GOLM1: variants seen among roughly 807,000 people sequenced by gnomAD.
GOLM1 encodes golgi membrane protein 1, also known as epididymis luminal protein 46.
Under a neutral mutation model 50.5 loss-of-function variants are expected in GOLM1, and 31 were observed. The observed-to-expected ratio is 0.61, with a 90% CI of 0.46 to 0.83. The LOEUF is 0.83. Among genes scored for constraint, GOLM1 ranks in the 40% least tolerant of loss-of-function variants. The pLI is 0.00. For synonymous variants in GOLM1, 178 were observed against 192.8 expected, an observed-to-expected ratio of 0.92 and a Z score of 0.64; for missense variants, 491 against 501.3, an observed-to-expected ratio of 0.98 and a Z score of 0.20.
intron 9 of GOLM1, among the ~76,000 whole-genome samples, chr9:86,030,502 T>C (rs891452390): frequency 1.3e-5 from 2 of 152,204 alleles, no homozygotes; most frequent in African/African-American, 4.8e-5. Flanking sequence ...TAGGGGGACA[T>C]TGTTGAAAAA....
At chr9:86,062,060 G>A (rs1322241095) in intron 3 of GOLM1, among the ~76,000 whole-genome samples, 2 of 152,114 alleles carry the variant, frequency 1.3e-5, no homozygotes, top group African/African-American at 4.8e-5. Flanking sequence ...AAACACGTAG[G>A]ACACACAGAC....
chr9:86,052,711 C>A, intron 3 of GOLM1, 120 bp from the exon 4 acceptor site: 2 of 813,270 alleles, frequency 2.5e-6, no homozygotes, highest in Non-Finnish European at 4.2e-6. Context: ...AGGGAAGGAG[C>A]TCGCACTCAG....
chr9:86,039,838 G>C, intron 6 of GOLM1, among the ~76,000 whole-genome samples: 1 of 151,920 alleles, frequency 6.6e-6, no homozygotes, highest in East Asian at 1.9e-4. Context: ...TGTGGTGGTG[G>C]GTGCCTGTAA....
At chr9:86,060,496 C>T (rs1342383776) in intron 3 of GOLM1, among the ~76,000 whole-genome samples, 1 of 152,096 alleles carries the variant, frequency 6.6e-6, no homozygotes, top group Non-Finnish European at 1.5e-5. Context: ...ATGCATGTTC[C>T]CATAGGGACA....
intron 3 of GOLM1, among the ~76,000 whole-genome samples, chr9:86,076,586 C>G (rs1258616452): frequency 6.6e-6 from 1 of 151,846 alleles, no homozygotes; most frequent in African/African-American, 2.4e-5. Context: ...GAAAACCAGG[C>G]CGGGCACGGT....
intron 1 of GOLM1, among the ~76,000 whole-genome samples, chr9:86,084,769 G>T (rs777087247): frequency 6.6e-6 from 1 of 152,040 alleles, no homozygotes; most frequent in Non-Finnish European, 1.5e-5. Flanking sequence ...CCTTCCTTTC[G>T]CTGGGCACGG....
chr9:86,047,271 A>C (rs1833578066), intron 4 of GOLM1, among the ~76,000 whole-genome samples: 1 of 152,200 alleles, frequency 6.6e-6, no homozygotes, highest in African/African-American at 2.4e-5. Context: ...GGCGGATACC[A>C]CAGTGGGCGG....
chr9:86,064,616 C>G (rs1834253746), intron 3 of GOLM1, among the ~76,000 whole-genome samples: 1 of 152,198 alleles, frequency 6.6e-6, no homozygotes, highest in Non-Finnish European at 1.5e-5. Flanking sequence ...CCACACTGCT[C>G]CATCACAGCT....
At chr9:86,052,267 C>CAT (rs1833778262) in intron 4 of GOLM1, among the ~76,000 whole-genome samples, 2 of 152,206 alleles carry the variant, frequency 1.3e-5, no homozygotes, top group Non-Finnish European at 1.5e-5. Context: ...ATGTACCTAT[C>CAT]ATAAATACTA....
intron 3 of GOLM1, among the ~76,000 whole-genome samples, chr9:86,075,973 C>T (rs1236998368): frequency 6.6e-6 from 1 of 152,158 alleles, no homozygotes; most frequent in African/African-American, 2.4e-5. Flanking sequence ...AAAAGTACTT[C>T]TTGAATTTTA....
chr9:86,059,506 T>C (rs1834090976), intron 3 of GOLM1, among the ~76,000 whole-genome samples: 1 of 152,162 alleles, frequency 6.6e-6, no homozygotes, highest in Non-Finnish European at 1.5e-5. Context: ...GGCAGATCTC[T>C]AGAGACAGAA....
intron 4 of GOLM1, among the ~76,000 whole-genome samples, chr9:86,050,313 A>T (rs1006891918): frequency 2.0e-5 from 3 of 152,112 alleles, no homozygotes; most frequent in Non-Finnish European, 4.4e-5. Context: ...TCAGGGATAT[A>T]GGTCTAAAAT....
chr9:86,055,747 C>A (rs758588668), intron 3 of GOLM1, among the ~76,000 whole-genome samples: 17 of 152,118 alleles, frequency 1.1e-4, no homozygotes, highest in Non-Finnish European at 2.5e-4. Flanking sequence ...GTCATCAAAA[C>A]CACAGAAACA....
intron 1 of GOLM1, among the ~76,000 whole-genome samples, chr9:86,085,595 C>A (rs1341868012): frequency 6.6e-5 from 10 of 151,924 alleles, no homozygotes; most frequent in Non-Finnish European, 1.2e-4. Context: ...CCCTCACCTA[C>A]ATTTAGTTAC....
intron 5 of GOLM1, among the ~76,000 whole-genome samples, chr9:86,045,035 C>T (rs1362286421): frequency 1.3e-5 from 2 of 151,978 alleles, no homozygotes; most frequent in Non-Finnish European, 2.9e-5. Context: ...TCCTTAAAAT[C>T]CCTTTTATCA....
intron 9 of GOLM1, among the ~76,000 whole-genome samples, chr9:86,030,974 G>A (rs531644716): frequency 2.6e-4 from 39 of 152,352 alleles, no homozygotes; most frequent in East Asian, 1.3e-3. Context: ...CACTTTGGGA[G>A]GCCAAGGCAG....
intron 8 of GOLM1, chr9:86,035,134 G>A (rs911246944): frequency 5.1e-6 from 5 of 985,220 alleles, no homozygotes; most frequent in African/African-American, 1.7e-5. Context: ...AGGTCCCCTC[G>A]ACTCCCTGCC....
At chr9:86,045,227 T>A (rs548835984) in intron 5 of GOLM1, among the ~76,000 whole-genome samples, 1 of 149,606 alleles carries the variant, frequency 6.7e-6, no homozygotes, top group African/African-American at 2.5e-5. Context: ...GGTGGGCGCC[T>A]GTAGTCCCAG....
intron 3 of GOLM1, among the ~76,000 whole-genome samples, chr9:86,054,475 T>C (rs1023196098): frequency 3.3e-5 from 5 of 152,134 alleles, no homozygotes; most frequent in East Asian, 1.9e-4. Flanking sequence ...TCGGCCGCCT[T>C]GGCCTCCCAA....
Sources: gnomAD v4.1 joint callset for allele counts (sites outside exome capture counted in the v4.1 genomes callset) on GRCh38, gnomAD v4.1.1 for gene constraint, MANE v1.5 for transcripts, NCBI Gene and HGNC (gene_info 2026-07-23, HGNC 2026-07-21) for gene names.